Variants in MATR3 observed in about 807,000 individuals in gnomAD.
MATR3 encodes the protein matrin-3.
Under a neutral mutation model 85.5 loss-of-function variants are expected in MATR3, and 4 were observed. That is an observed-to-expected ratio of 0.05 (90% CI 0.02 to 0.11). The LOEUF is 0.11. MATR3 is among the 10% of genes least tolerant of loss of function. The probability of loss-of-function intolerance (pLI) is 1.00; values close to 1 mark genes in which losing one functional copy is unlikely to be tolerated. For missense variants in MATR3, 685 were observed against 1,016.1 expected (o/e 0.67, Z 4.43); for synonymous variants, 336 against 343.1 (o/e 0.98, Z 0.23).
intron 12 of MATR3, 48 bp from the exon 13 acceptor site, chr5:139,325,392 G>C: frequency 6.3e-7 from 1 of 1,588,038 alleles, no homozygotes. Context: ...ATCGGGCATG[G>C]CATTTAAATC....
chr5:139,322,074 A>G (rs1450307001), intron 10 of MATR3, 45 bp downstream of exon 10: 14 of 1,595,022 alleles, frequency 8.8e-6, no homozygotes, highest in Non-Finnish European at 1.2e-5. Context: ...TTGTTTTTAC[A>G]TATTTAAAGC....
At chr5:139,319,601 A>C in intron 9 of MATR3, 100 bp downstream of exon 9, 1 of 1,124,718 alleles carries the variant, frequency 8.9e-7, no homozygotes, top group African/African-American at 1.6e-5. Flanking sequence ...TAATCCCAGC[A>C]GTTTGGGAGG....
At chr5:139,308,374 C>G in intron 2 of MATR3, 47 bp downstream of exon 2, 3 of 1,601,162 alleles carry the variant, frequency 1.9e-6, no homozygotes, top group Non-Finnish European at 2.6e-6. Flanking sequence ...CATTGTAGTG[C>G]CTATTTACCT....
intron 12 of MATR3, among the ~76,000 whole-genome samples, chr5:139,324,909 C>T (rs780587869): frequency 6.6e-6 from 1 of 151,920 alleles, no homozygotes; most frequent in Non-Finnish European, 1.5e-5. Flanking sequence ...GACAAAGACG[C>T]GGCCGGGCAC....
chr5:139,322,752 G>A lies in MATR3; in HGVS notation c.1933G>A (p.Glu645Lys). 6.2e-7 allele frequency: 1 copy of A among 1,614,164 alleles called. No homozygotes were observed. The highest frequency in any genetic ancestry group is 8.5e-7 in the Non-Finnish European group (1 of 1,180,048). Residue 645 changes from glutamate (E) to lysine (K), a missense_variant, in exon 12 of 15, where the codon GAG (glutamate) becomes AAG (lysine). Physicochemically the swap from Glu to Lys is moderately conservative, Grantham distance 56. This residue lies in a region of MATR3 where 215 missense variants were observed against 194.7 expected (regional missense o/e 1.10). Transcript: ENST00000394805. ...GAAAGACACAAAGGATGACCAGACAGAGCAGGAACCTAATATGCTTCTTGA... is the reference window on the plus strand; with the variant it reads ...GAAAGACACAAAGGATGACCAGACAAAGCAGGAACCTAATATGCTTCTTGA... Reference protein sequence around the residue: ...GEKDTKDDQTEQEPNMLLESE... With the variant: ...GEKDTKDDQTKQEPNMLLESE...
At position 139,330,354 on chromosome 5, in the gene MATR3, T is replaced by G. The variant is rs1207534389; in HGVS notation, c.*959T>G. 4.4e-6 allele frequency: 2 copies of G among 454,518 alleles called. No homozygotes were observed. The highest frequency in any genetic ancestry group is 8.8e-6 in the Non-Finnish European group (2 of 226,784). The allele number at this position is 454,518 out of a possible 1,614,324, so 28.2% of individuals were successfully genotyped here. A position where few individuals can be genotyped will look rare whatever the true frequency, so the allele number is the denominator to read the frequency against. On this transcript the variant is annotated 3_prime_UTR_variant, in exon 15 of 15. Coordinates refer to ENST00000394805, the MANE Select transcript of MATR3 (RefSeq NM_018834.6). ...TTTCTGGTTATATACTGCTTATATC[T>G]GTGGATTCAAGTTACTGAAGTGAAT...
At chr5:139,279,206 A>G in intron 3 of MATR3, 1 of 452,762 alleles carries the variant, frequency 2.2e-6, no homozygotes, top group South Asian at 1.6e-5. Flanking sequence ...TAAAATTATG[A>G]TGTGAAAAAT....
At position 139,317,026 on chromosome 5, in the gene MATR3, GACTGAAA is replaced by G. The variant is rs1561938814; in HGVS notation, c.1130-23_1130-17del. The G allele has an allele frequency of 1.2e-6, 2 of 1,604,530 alleles. No homozygotes were observed. Among genetic ancestry groups the G allele is most frequent in the Admixed American group, 3.3e-5 (2 of 59,836 alleles). The stretch of plus-strand genomic sequence containing the variant: ...CTTTAAGCAAGTATAGTGATTACAA[GACTGAAA>G]ACTTTCTCTTCCCATAAAGGTGCTG... On this transcript the variant is annotated intron_variant, in intron 5 of 14. Transcript: ENST00000394805.
At chr5:139,296,525 T>A (rs898491706) in intron 1 of MATR3, among the ~76,000 whole-genome samples, 7 of 152,222 alleles carry the variant, frequency 4.6e-5, no homozygotes, top group Non-Finnish European at 1.0e-4. Context: ...ATTTTGTAAA[T>A]ACTGTAACTG....
In MATR3 at chr5:139,328,288, TTTG is replaced by T. The variant is rs10542223; in HGVS notation, c.2494-1045_2494-1043del. On this transcript the variant is annotated intron_variant, in intron 14 of 14. Coordinates refer to ENST00000394805, the MANE Select transcript of MATR3 (RefSeq NM_018834.6). ...TAACTGGATGTTTGTGGGGTGATTT[TTTG>T]TTGTTGTTGTTTTTCTTTAAAAGAT... is the stretch of plus-strand genomic sequence containing the variant. Among the ~76,000 whole-genome samples the T allele has an allele frequency of 2.3e-3, 349 of 152,346 alleles. 1 individual carries two copies. The highest frequency in any genetic ancestry group is 7.6e-3 in the African/African-American group (318 of 41,580).
At chr5:139,323,417 T>G (rs1020923515) in intron 12 of MATR3, among the ~76,000 whole-genome samples, 2 of 152,212 alleles carry the variant, frequency 1.3e-5, no homozygotes, top group African/African-American at 4.8e-5. Context: ...GTCAGATACC[T>G]TAGTATCCTT....
intron 12 of MATR3, among the ~76,000 whole-genome samples, chr5:139,324,614 A>G (rs1451213880): frequency 6.6e-6 from 1 of 152,090 alleles, no homozygotes; most frequent in African/African-American, 2.4e-5. Flanking sequence ...TTTTTTAGCC[A>G]TTACACTGTT....
chr5:139,305,300 G>A (rs896138950), intron 1 of MATR3, among the ~76,000 whole-genome samples: 13 of 152,128 alleles, frequency 8.5e-5, no homozygotes, highest in African/African-American at 2.9e-4. Flanking sequence ...ACCAAAAAAT[G>A]TAATTCAGAG....
At chr5:139,282,319 G>A (rs1753562570) in intron 3 of MATR3, among the ~76,000 whole-genome samples, 1 of 152,138 alleles carries the variant, frequency 6.6e-6, no homozygotes, top group South Asian at 2.1e-4. Flanking sequence ...ATGCTATTTA[G>A]GAACACTTGT....
Position 139,329,836 on chromosome 5 carries a change from C to T in MATR3, c.*441C>T, listed in dbSNP as rs572126808. 2.2e-6 allele frequency: 1 copy of T among 454,434 alleles called. No homozygotes were observed. Among genetic ancestry groups the T allele is most frequent in the African/African-American group, 2.0e-5 (1 of 49,998 alleles). The allele number at this position is 454,434 out of a possible 1,614,324, so 28.2% of individuals were successfully genotyped here. ...TTTTAATCTGAGCCTTGCAGACTTTCATTTGGAGTTTGAACCCGTTTTGGT... is the reference window on the plus strand; with the variant it reads ...TTTTAATCTGAGCCTTGCAGACTTTTATTTGGAGTTTGAACCCGTTTTGGT... On this transcript the variant is annotated 3_prime_UTR_variant, in exon 15 of 15. Transcript: ENST00000394805.
chr5:139,330,098 C>G lies in MATR3; in HGVS notation c.*703C>G, dbSNP rs1756063757. 1 of 454,350 alleles carries G rather than the reference C, an allele frequency of 2.2e-6. No individual in the cohort carries two copies. Among genetic ancestry groups the G allele is most frequent in the African/African-American group, 2.0e-5 (1 of 49,990 alleles). The allele number at this position is 454,350 out of a possible 1,614,324, so 28.1% of individuals were successfully genotyped here. A position where few individuals can be genotyped will look rare whatever the true frequency, so the allele number is the denominator to read the frequency against. ...TTTGACCAGTATTAATTTTTGAGAT[C>G]TTACTGCTTGTCACTTGAATCCCGT... On this transcript the variant is annotated 3_prime_UTR_variant, in exon 15 of 15. Transcript: ENST00000394805.
intron 2 of MATR3, 38 bp downstream of exon 2, chr5:139,308,365 A>T (rs374886373): frequency 1.2e-6 from 2 of 1,610,854 alleles, no homozygotes; most frequent in Non-Finnish European, 1.7e-6. Context: ...TTTCTTTTAC[A>T]TTGTAGTGCC....
In MATR3 at chr5:139,331,595, C is replaced by T. The variant is rs770043950; in HGVS notation, c.*2200C>T. ...TCATGTTTGCTGTAAAGTTTAAGAA[C>T]ATTTTTCCTACGGCTATGTCAGCCC... is the stretch of plus-strand genomic sequence containing the variant. On this transcript the variant is annotated 3_prime_UTR_variant, in exon 15 of 15. Coordinates refer to ENST00000394805, the MANE Select transcript of MATR3 (RefSeq NM_018834.6). 4.6e-4 allele frequency: 210 copies of T among 453,974 alleles called. 1 individual carries two copies. The highest frequency in any genetic ancestry group is 9.4e-4 in the Admixed American group (40 of 42,556). The allele number at this position is 453,974 out of a possible 1,614,324, so 28.1% of individuals were successfully genotyped here. A position where few individuals can be genotyped will look rare whatever the true frequency, so the allele number is the denominator to read the frequency against.
chr5:139,289,275 T>G (rs1405130218), upstream of MATR3, among the ~76,000 whole-genome samples: 3 of 152,194 alleles, frequency 2.0e-5, no homozygotes, highest in Non-Finnish European at 4.4e-5. Context: ...TTTCCTTGCC[T>G]GGGCGTGGTG....
Sources: gnomAD v4.1 joint callset for allele counts (sites outside exome capture counted in the v4.1 genomes callset) on GRCh38, gnomAD v4.1.1 for gene constraint, gnomAD v4.1.1 regional missense constraint, MANE v1.5 for transcripts, NCBI Gene and HGNC (gene_info 2026-07-23, HGNC 2026-07-21) for gene names.